The following SETBP1 variants were observed in gnomAD, a reference collection of about 807,000 sequenced individuals.
The protein encoded by SETBP1 is SET-binding protein.
Under a neutral mutation model 101.0 loss-of-function variants are expected in SETBP1, and 9 were observed. The observed-to-expected ratio is 0.09, with a 90% CI of 0.05 to 0.16. The LOEUF is 0.16. Among genes scored for constraint, SETBP1 ranks in the 10% least tolerant of loss-of-function variants. The pLI, the probability that SETBP1 is intolerant of heterozygous loss-of-function variation, is 1.00. For missense variants in SETBP1, 1,858 were observed against 2,033.8 expected (o/e 0.91, Z 1.66); for synonymous variants, 818 against 788.5 (o/e 1.04, Z -0.63).
intron 2 of SETBP1, among the ~76,000 whole-genome samples, chr18:44,809,058 T>A (rs1040712158): frequency 1.3e-5 from 2 of 152,204 alleles, no homozygotes; most frequent in Non-Finnish European, 2.9e-5. Context: ...TAGTGCCTTT[T>A]TCTATTCAAC....
chr18:44,860,320 A>C (rs1002112363), intron 2 of SETBP1, among the ~76,000 whole-genome samples: 1 of 152,182 alleles, frequency 6.6e-6, no homozygotes, highest in African/African-American at 2.4e-5. Flanking sequence ...TTTTGTTGGA[A>C]GGAAAGGACC....
At chr18:44,897,036 A>G (rs1178967778) in intron 3 of SETBP1, among the ~76,000 whole-genome samples, 2 of 152,138 alleles carry the variant, frequency 1.3e-5, no homozygotes, top group East Asian at 3.9e-4. Flanking sequence ...ACTCCTGTTG[A>G]GACTTTGCTT....
At chr18:44,914,104 A>G (rs1326113548) in intron 3 of SETBP1, among the ~76,000 whole-genome samples, 1 of 152,212 alleles carries the variant, frequency 6.6e-6, no homozygotes, top group Middle Eastern at 3.2e-3. Flanking sequence ...AGGCACTCCC[A>G]TCGTCTCTAC....
At chr18:44,718,734 T>C (rs965128297) in intron 2 of SETBP1, among the ~76,000 whole-genome samples, 6 of 152,154 alleles carry the variant, frequency 3.9e-5, no homozygotes, top group Non-Finnish European at 7.4e-5. Flanking sequence ...GACAGAAAGC[T>C]GTCTGTAGTT....
chr18:45,046,143 G>A (rs974447785), intron 5 of SETBP1, among the ~76,000 whole-genome samples: 8 of 152,186 alleles, frequency 5.3e-5, no homozygotes, highest in African/African-American at 9.7e-5. Flanking sequence ...CCAAAGGATC[G>A]CATAGTCCCT....
At chr18:44,726,427 C>G (rs1402963451) in intron 2 of SETBP1, among the ~76,000 whole-genome samples, 2 of 152,188 alleles carry the variant, frequency 1.3e-5, no homozygotes, top group Non-Finnish European at 2.9e-5. Flanking sequence ...ATGTAATCCT[C>G]CCCAAAACTC....
chr18:44,980,475 C>T (rs1482010209), intron 4 of SETBP1, among the ~76,000 whole-genome samples: 1 of 150,600 alleles, frequency 6.6e-6, no homozygotes, highest in Non-Finnish European at 1.5e-5. Context: ...TTCGCACATT[C>T]TTCTGCTTTA....
Position 44,952,505 on chromosome 18 carries a change from C to T in SETBP1, c.3165C>T (p.Tyr1055=), listed in dbSNP as rs780597848. 1.2e-6 allele frequency: 2 copies of T among 1,614,094 alleles called. No homozygotes were observed. Among genetic ancestry groups the T allele is most frequent in the Admixed American group, 3.3e-5 (2 of 60,006 alleles). ...GSYYAPYGMP[Y]TSMPMMNLGY... ...ACTATGCACCCTATGGAATGCCTTACACATCAATGCCTATGATGAACCTTG... is the reference window on the plus strand; with the variant it reads ...ACTATGCACCCTATGGAATGCCTTATACATCAATGCCTATGATGAACCTTG... The change falls in exon 4 of 6, where the codon TAC becomes TAT. Residue 1055 remains tyrosine, a synonymous_variant. Transcript: ENST00000649279.
intron 4 of SETBP1, among the ~76,000 whole-genome samples, chr18:45,026,749 A>G (rs1429458962): frequency 6.6e-6 from 1 of 152,112 alleles, no homozygotes; most frequent in African/African-American, 2.4e-5. Context: ...TTGCAATTAC[A>G]TCAGCATTTT....
At chr18:44,848,038 T>C (rs2072758258) in intron 2 of SETBP1, among the ~76,000 whole-genome samples, 1 of 151,654 alleles carries the variant, frequency 6.6e-6, no homozygotes, top group African/African-American at 2.4e-5. Flanking sequence ...GACCTCACCC[T>C]AGATAGGTTT....
intron 2 of SETBP1, among the ~76,000 whole-genome samples, chr18:44,857,752 G>T (rs1465239438): frequency 6.6e-6 from 1 of 152,204 alleles, no homozygotes; most frequent in Non-Finnish European, 1.5e-5. Flanking sequence ...AAAATGGGTA[G>T]ACTGTGAGTC....
At chr18:45,023,543 C>T (rs1182790628) in intron 4 of SETBP1, among the ~76,000 whole-genome samples, 2 of 152,140 alleles carry the variant, frequency 1.3e-5, no homozygotes, top group African/African-American at 4.8e-5. Flanking sequence ...AACCACCAGC[C>T]GTTGATTGAG....
chr18:44,989,745 T>C (rs1409105951), intron 4 of SETBP1, among the ~76,000 whole-genome samples: 1 of 150,176 alleles, frequency 6.7e-6, no homozygotes, highest in African/African-American at 2.4e-5. Flanking sequence ...GGCGGGCCCC[T>C]GTAGTCCCAG....
chr18:44,785,628 A>G (rs2071224821), intron 2 of SETBP1, among the ~76,000 whole-genome samples: 1 of 152,170 alleles, frequency 6.6e-6, no homozygotes, highest in Non-Finnish European at 1.5e-5. Context: ...TCATCTCCCC[A>G]TTAGAGAACA....
intron 5 of SETBP1, among the ~76,000 whole-genome samples, chr18:45,044,343 A>G (rs1204834967): frequency 7.2e-5 from 11 of 152,190 alleles, no homozygotes; most frequent in Non-Finnish European, 1.5e-5. Flanking sequence ...AGTGCTACCT[A>G]TGGGCTCATG....
At position 45,026,681 on chromosome 18, in the gene SETBP1, G is replaced by A. The variant is rs149780836; in HGVS notation, c.4001-11804G>A. 5.3e-4 allele frequency among the ~76,000 whole-genome samples: 81 copies of A among 152,204 alleles called. No individual in the cohort carries two copies. In the East Asian group the frequency reaches 0.014, roughly 27 times the overall value. On this transcript the variant is annotated intron_variant, in intron 4 of 5. Coordinates refer to ENST00000649279, the MANE Select transcript of SETBP1 (RefSeq NM_015559.3). ...GTTAGTACCTTTTGCAACTCCCTTTGTTATACTTTTCAGAGAATAGTTACC... is the reference window on the plus strand; with the variant it reads ...GTTAGTACCTTTTGCAACTCCCTTTATTATACTTTTCAGAGAATAGTTACC...
chr18:44,901,016 T>G (rs2070033228), intron 3 of SETBP1, among the ~76,000 whole-genome samples: 1 of 152,224 alleles, frequency 6.6e-6, no homozygotes, highest in African/African-American at 2.4e-5. Context: ...ACATGTGAAT[T>G]CATTTAACTC....
chr18:44,791,712 T>C (rs2071375257), intron 2 of SETBP1, among the ~76,000 whole-genome samples: 1 of 151,542 alleles, frequency 6.6e-6, no homozygotes, highest in Middle Eastern at 3.4e-3. Context: ...TGTATTTTCC[T>C]GTGGGGGCGA....
chr18:44,944,498 T>G (rs1220795748), intron 3 of SETBP1, among the ~76,000 whole-genome samples: 1 of 152,196 alleles, frequency 6.6e-6, no homozygotes, highest in Non-Finnish European at 1.5e-5. Context: ...CCTGAGAGAT[T>G]GTGAGTTTGT....
Sources: allele counts gnomAD v4.1 joint callset (sites outside exome capture counted in the v4.1 genomes callset), GRCh38; gene constraint gnomAD v4.1.1; transcripts MANE v1.5; gene names NCBI Gene and HGNC (gene_info 2026-07-23, HGNC 2026-07-21).